The following MASP2 variants were observed in gnomAD, a reference collection of about 807,000 sequenced individuals.
MASP2 encodes mannan-binding lectin serine protease 2.
Under a neutral mutation model 57.1 loss-of-function variants are expected in MASP2, and 49 were observed. The observed-to-expected ratio is 0.86, with a 90% CI of 0.68 to 1.09. The LOEUF is 1.09. Ranked by LOEUF, MASP2 falls within the 50% of genes least tolerant of loss-of-function variation. The pLI is 0.00. For missense variants in MASP2, 900 were observed against 874.8 expected (o/e 1.03, Z -0.36); for synonymous variants, 379 against 340.8 (o/e 1.11, Z -1.24).
chr1:11,044,661 T>A (rs1638567992), intron 4 of MASP2: 1 of 793,868 alleles, frequency 1.3e-6, no homozygotes, highest in Non-Finnish European at 1.9e-6. Context: ...AAACGGGGGG[T>A]GAGGCCAAGG....
rs751345161 is a variant in MASP2, at chr1:11,046,603, G to T, written c.365C>A (p.Ser122Tyr). 8.1e-6 allele frequency: 13 copies of T among 1,613,708 alleles called. No homozygotes were observed. The South Asian group carries it at 1.4e-4, about 18-fold the overall frequency. Reference protein sequence around the residue: ...SLDITFRSDYSNEKPFTGFEA... With the variant: ...SLDITFRSDYYNEKPFTGFEA... ...GAACCCCGTGAACGGCTTCTCGTTG[G>T]AGTAGTCGGAGCGGAAGGTAATGTC... Residue 122 changes from serine to tyrosine, a missense_variant, in exon 3 of 11, where the codon TCC becomes TAC. Physicochemically the swap from Ser to Tyr is moderately radical, Grantham distance 144. Transcript: ENST00000400897.
chr1:11,046,204 A>T (rs997634500), intron 3 of MASP2: 14 of 357,366 alleles, frequency 3.9e-5, no homozygotes, highest in Non-Finnish European at 7.6e-5. Flanking sequence ...GTGGAGATAG[A>T]GTTTCACCGT....
In MASP2 at chr1:11,027,111, A is replaced by T; in HGVS notation, c.1835T>A (p.Val612Glu). 6.2e-7 allele frequency: 1 copy of T among 1,609,844 alleles called. No individual in the cohort carries two copies. Among genetic ancestry groups the T allele is most frequent in the Non-Finnish European group, 8.5e-7 (1 of 1,177,730 alleles). ...YEKPPYPRGS[V>E]TANMLCAGLE... is the part of the protein sequence containing the mutation. ...GCCAGCACAAAGCATGTTAGCAGTT[A>T]CACTTCCCCTTGGATAGGGTGGCTT... The change falls in exon 11 of 11, where the codon GTA (valine) becomes GAA (glutamate). Residue 612 changes from valine (V) to glutamate (E), a missense_variant. Coordinates refer to ENST00000400897, the MANE Select transcript of MASP2 (RefSeq NM_006610.4).
chr1:11,042,690 C>T (rs571285437), intron 6 of MASP2, among the ~76,000 whole-genome samples, 185 bp downstream of exon 6: 1 of 151,954 alleles, frequency 6.6e-6, no homozygotes, highest in Non-Finnish European at 1.5e-5. Flanking sequence ...GGGTGGCTGG[C>T]TGGAGGGAGG....
intron 8 of MASP2, 73 bp downstream of exon 8, chr1:11,034,755 A>G: frequency 2.0e-6 from 2 of 988,344 alleles, no homozygotes; most frequent in Non-Finnish European, 3.0e-6. Context: ...CAGAGAAGCA[A>G]TAGAAGCAGC....
intron 6 of MASP2, among the ~76,000 whole-genome samples, chr1:11,040,000 G>T (rs768244980): frequency 6.6e-6 from 1 of 150,974 alleles, no homozygotes; most frequent in Non-Finnish European, 1.5e-5. Context: ...TGAGGGATAG[G>T]ATTGGTAGGC....
At chr1:11,033,768 C>A (rs976664120) in intron 8 of MASP2, among the ~76,000 whole-genome samples, 3 of 137,154 alleles carry the variant, frequency 2.2e-5, no homozygotes, top group Non-Finnish European at 3.2e-5. Context: ...TCGTCTTTAC[C>A]AAAAAAATAC....
chr1:11,030,110 T>C (rs1643817401), intron 10 of MASP2, 66 bp downstream of exon 10: 2 of 1,181,986 alleles, frequency 1.7e-6, no homozygotes, highest in Non-Finnish European at 2.5e-6. Flanking sequence ...AAAGCTCTCC[T>C]CACTGTCTCC....
At chr1:11,039,836 ATGGG>A (rs1016802489) in intron 6 of MASP2, among the ~76,000 whole-genome samples, 3 of 140,578 alleles carry the variant, frequency 2.1e-5, no homozygotes, top group Non-Finnish European at 4.6e-5. Flanking sequence ...GGATGCAAGG[ATGGG>A]TGGGTGGGTA....
At chr1:11,031,365 T>TA (rs1290121677) in intron 8 of MASP2, among the ~76,000 whole-genome samples, 128 of 144,258 alleles carry the variant, frequency 8.9e-4, no homozygotes, top group African/African-American at 3.2e-3. Context: ...CTACTAAAAA[T>TA]ACAAAAAAAA....
rs780785673 is a variant in MASP2, at chr1:11,034,925, T to C, written c.1009-19A>G. On this transcript the variant is annotated intron_variant, in intron 7 of 10. Coordinates refer to ENST00000400897, the MANE Select transcript of MASP2 (RefSeq NM_006610.4). ...AGTGACCCTAAAGAAGAATTCAGAA[T>C]ATATTAATTTCCTTGTTTATATCAT... is the stretch of plus-strand genomic sequence containing the variant. The C allele has an allele frequency of 1.3e-6, 2 of 1,543,674 alleles. No individual in the cohort carries two copies. Among genetic ancestry groups the C allele is most frequent in the Non-Finnish European group, 1.8e-6 (2 of 1,123,200 alleles).
intron 6 of MASP2, 134 bp from the exon 7 acceptor site, chr1:11,037,945 T>C (rs759841713): frequency 2.0e-6 from 1 of 503,694 alleles, no homozygotes; most frequent in Admixed American, 3.8e-5. Context: ...TGGGGTAGGG[T>C]TCTTTAAAAC....
intron 4 of MASP2, chr1:11,044,764 C>T (rs953116155): frequency 1.7e-5 from 21 of 1,248,406 alleles, no homozygotes; most frequent in Middle Eastern, 3.0e-4. Context: ...CGCCGCCTCC[C>T]GACCCTCCCA....
At position 11,037,716 on chromosome 1, in the gene MASP2, C is replaced by G. The variant is rs779722183; in HGVS notation, c.985G>C (p.Glu329Gln). 6.2e-7 allele frequency: 1 copy of G among 1,611,420 alleles called. No individual in the cohort carries two copies. Among genetic ancestry groups the G allele is most frequent in the African/African-American group, 1.3e-5 (1 of 74,912 alleles). The change falls in exon 7 of 11, where the codon GAG becomes CAG. Residue 329 changes from glutamate to glutamine, a missense_variant. Physicochemically the swap from Glu to Gln is conservative, Grantham distance 29. Transcript: ENST00000400897. ...ACTTGCAGAAGCTCATAGCCAGTCT[C>G]GCAAAAGATGGAGAAGCTGTCTTTC... Reference protein sequence around the residue: ...ILKDSFSIFCETGYELLQGHL... With the variant: ...ILKDSFSIFCQTGYELLQGHL...
chr1:11,040,388 G>GT (rs1638388061), intron 6 of MASP2, among the ~76,000 whole-genome samples: 1 of 100 alleles, frequency 0.01, no homozygotes, highest in Non-Finnish European at 0.023. Context: ...AGACTTGCTT[G>GT]TTCCAGGAGG....
At chr1:11,041,072 T>C (rs1638411491) in intron 6 of MASP2, among the ~76,000 whole-genome samples, 3 of 145,948 alleles carry the variant, frequency 2.1e-5, no homozygotes, top group African/African-American at 5.2e-5. Context: ...GGTGGAAGGA[T>C]GGGTGGGTAG....
chr1:11,045,343 A>G (rs1638599605), intron 4 of MASP2, 65 bp downstream of exon 4: 2 of 1,607,592 alleles, frequency 1.2e-6, no homozygotes, highest in Admixed American at 1.7e-5. Context: ...CAGAGCAGCA[A>G]TGGCCCTGAG....
At chr1:11,031,538 A>AAAAAAAAG (rs1643846259) in intron 8 of MASP2, among the ~76,000 whole-genome samples, 1 of 150,100 alleles carries the variant, frequency 6.7e-6, no homozygotes, top group African/African-American at 2.4e-5. Flanking sequence ...TAAAAAAAAA[A>AAAAAAAAG]AAAAAAAAGG....
intron 7 of MASP2, among the ~76,000 whole-genome samples, chr1:11,035,809 T>C (rs867174869): frequency 6.1e-5 from 9 of 148,690 alleles, no homozygotes; most frequent in South Asian, 2.1e-4. Context: ...GGTGAGAGGA[T>C]TGCTTGAGCC....
Sources: gnomAD v4.1 joint callset for allele counts (sites outside exome capture counted in the v4.1 genomes callset) on GRCh38, gnomAD v4.1.1 for gene constraint, MANE v1.5 for transcripts, NCBI Gene and HGNC (gene_info 2026-07-23, HGNC 2026-07-21) for gene names.